The following PGAP1 variants were observed in gnomAD, a reference collection of about 807,000 sequenced individuals.
PGAP1 encodes the protein GPI inositol-deacylase.
PGAP1 carries 76 observed loss-of-function variants against 127.0 expected under a neutral mutation model. The ratio of observed to expected loss-of-function variants is 0.60; its 90% CI spans 0.50 to 0.72. The LOEUF is 0.72. Ranked by LOEUF, PGAP1 falls within the 30% of genes least tolerant of loss-of-function variation. PGAP1 has a pLI of 0.00. For synonymous variants in PGAP1, 362 were observed against 366.5 expected (o/e 0.99, Z 0.14); for missense variants, 982 against 1,071.3 (o/e 0.92, Z 1.16).
At chr2:196,881,587 C>T (rs577628066) in intron 12 of PGAP1, among the ~76,000 whole-genome samples, 15 of 152,128 alleles carry the variant, frequency 9.9e-5, no homozygotes, top group African/African-American at 3.4e-4. Context: ...AGTATCTCAC[C>T]GTGGTTTTGA....
At chr2:196,872,811 T>C (rs897462803) in intron 17 of PGAP1, 149 bp downstream of exon 17, 10 of 564,276 alleles carry the variant, frequency 1.8e-5, no homozygotes, top group Non-Finnish European at 2.8e-5. Context: ...AAGAATACTA[T>C]ATATTAAATT....
chr2:196,858,377 G>A (rs1164527970), intron 20 of PGAP1, among the ~76,000 whole-genome samples: 1 of 150,920 alleles, frequency 6.6e-6, no homozygotes, highest in Non-Finnish European at 1.5e-5. Flanking sequence ...ACTCCAGCCT[G>A]GGCGACAGAG....
intron 19 of PGAP1, among the ~76,000 whole-genome samples, chr2:196,867,294 C>T (rs1259804175): frequency 6.6e-6 from 1 of 152,102 alleles, no homozygotes; most frequent in Non-Finnish European, 1.5e-5. Flanking sequence ...ACTATGCAGC[C>T]ATAAAAAAGG....
At chr2:196,847,458 CTTTTT>C (rs3839045) in intron 21 of PGAP1, 5 of 136,392 alleles carry the variant, frequency 3.7e-5, no homozygotes, top group Non-Finnish European at 6.0e-5. Context: ...GTAATATGTT[CTTTTT>C]TTTTTTTTTT....
chr2:196,873,114 T>C lies in PGAP1; in HGVS notation c.1553-88A>G, dbSNP rs1274361560. ...CTATAATATCTAACTAATTATACAA[T>C]TGTCCATTTCATTAAAAAAATCAGT... On this transcript the variant is annotated intron_variant, in intron 16 of 26. Transcript: ENST00000354764. 1.2e-5 allele frequency: 6 copies of C among 500,834 alleles called. No individual in the cohort carries two copies. The South Asian group carries it at 1.8e-4, about 15-fold the overall frequency. The allele number at this position is 500,834 out of a possible 1,614,324, so 31.0% of individuals were successfully genotyped here.
Position 196,841,171 on chromosome 2 carries a change from G to A in PGAP1, c.*63C>T. On this transcript the variant is annotated 3_prime_UTR_variant, in exon 27 of 27. Transcript: ENST00000354764. ...TTGCTGTCCATACTGATGGATCTGT[G>A]TGTTCCCTCTTATCACTGGCCCTAA... 6.7e-7 allele frequency: 1 copy of A among 1,488,390 alleles called. No individual in the cohort carries two copies. Among genetic ancestry groups the A allele is most frequent in the Non-Finnish European group, 9.1e-7 (1 of 1,097,578 alleles). 92.2% of individuals were successfully genotyped at this position (1,488,390 alleles called of 1,614,324 possible).
rs575076203 is a variant in PGAP1 at position 196,902,628 on chromosome 2, A to G, written c.764T>C (p.Phe255Ser). The change falls in exon 5 of 27, where the codon TTT becomes TCT. Residue 255 changes from phenylalanine to serine, a missense_variant. Physicochemically the swap from Phe to Ser is radical, Grantham distance 155. Coordinates refer to ENST00000354764, the MANE Select transcript of PGAP1 (RefSeq NM_024989.4). The part of the protein sequence containing the change: ...RDYQVRSGLT[F>S]LPKLSHHTSA... ...GGTATGATGGCTTAATTTTGGTAGA[A>G]AAGTCAATCCTGAACGAACTTGGTA... The G allele has an allele frequency of 6.2e-7, 1 of 1,613,490 alleles. No homozygotes were observed. The highest frequency in any genetic ancestry group is 2.2e-5 in the East Asian group (1 of 44,854).
At chr2:196,867,687 T>C (rs1263437200) in intron 19 of PGAP1, among the ~76,000 whole-genome samples, 2 of 152,234 alleles carry the variant, frequency 1.3e-5, no homozygotes, top group Admixed American at 1.3e-4. Context: ...CTTTAAAGCA[T>C]GTTCTCCATT....
At chr2:196,896,039 A>G (rs1384805089) in intron 7 of PGAP1, among the ~76,000 whole-genome samples, 1 of 151,796 alleles carries the variant, frequency 6.6e-6, no homozygotes, top group Non-Finnish European at 1.5e-5. Flanking sequence ...CAACTTACAG[A>G]AAAAAAAATT....
chr2:196,912,966 A>C lies in PGAP1; in HGVS notation c.565T>G (p.Phe189Val). The change falls in exon 4 of 27, where the codon TTT becomes GTT. Residue 189 changes from phenylalanine to valine, a missense_variant. By Grantham distance (50) the Phe-to-Val change is conservative (BLOSUM62 -1). Coordinates refer to ENST00000354764, the MANE Select transcript of PGAP1 (RefSeq NM_024989.4). ...AGAAGATTTATCAGATCATGCTTAA[A>C]ATTTTTCAGTGTAAGCAATGCTCTT... ...VARALLTLKNFKHDLINLLIT... is the reference protein window; with the variant it reads ...VARALLTLKNVKHDLINLLIT... 5 of 1,613,912 alleles carry C rather than the reference A, an allele frequency of 3.1e-6. No homozygotes were observed. Among genetic ancestry groups the C allele is most frequent in the Non-Finnish European group, 4.2e-6 (5 of 1,179,910 alleles).
chr2:196,923,147 G>A (rs938842112), intron 1 of PGAP1, among the ~76,000 whole-genome samples: 9 of 152,092 alleles, frequency 5.9e-5, no homozygotes, highest in African/African-American at 1.9e-4. Flanking sequence ...CCTGTTATCA[G>A]TTTGTGTGTG....
chr2:196,854,099 G>A (rs1394307055), intron 20 of PGAP1, among the ~76,000 whole-genome samples: 1 of 151,646 alleles, frequency 6.6e-6, no homozygotes, highest in East Asian at 1.9e-4. Context: ...GTTTCACCAT[G>A]TTGCCCAGGA....
chr2:196,900,226 TGAATG>T (rs901389819), intron 5 of PGAP1, among the ~76,000 whole-genome samples: 16 of 152,206 alleles, frequency 1.1e-4, no homozygotes, highest in African/African-American at 3.9e-4. Flanking sequence ...CCTGAGTTCC[TGAATG>T]GAACCTCTTG....
chr2:196,904,619 T>C (rs1247800289), intron 4 of PGAP1, among the ~76,000 whole-genome samples: 1 of 152,028 alleles, frequency 6.6e-6, no homozygotes, highest in Non-Finnish European at 1.5e-5. Context: ...TCCCAGCTAC[T>C]TGGGAGGCTG....
intron 1 of PGAP1, 30 bp from the exon 2 acceptor site, chr2:196,920,180 A>C (rs1450104753): frequency 1.3e-6 from 2 of 1,582,930 alleles, no homozygotes; most frequent in Admixed American, 1.8e-5. Flanking sequence ...GTTTCACTTT[A>C]ATCAGTTTTA....
intron 19 of PGAP1, among the ~76,000 whole-genome samples, chr2:196,868,075 G>C (rs1215574507): frequency 6.6e-6 from 1 of 152,136 alleles, no homozygotes; most frequent in Non-Finnish European, 1.5e-5. Flanking sequence ...CACTAGCTCT[G>C]TGTCCTTGGG....
chr2:196,903,540 AAC>A (rs1702570372), intron 4 of PGAP1, among the ~76,000 whole-genome samples: 1 of 144,126 alleles, frequency 6.9e-6, no homozygotes, highest in African/African-American at 2.6e-5. Context: ...CAGCCTGGGC[AAC>A]AGAGCGAGAC....
In PGAP1 at chr2:196,920,158, T is replaced by A. The variant is rs765710378; in HGVS notation, c.148-8A>T. The A allele has an allele frequency of 4.7e-5, 75 of 1,587,252 alleles. No homozygotes were observed. Among genetic ancestry groups the A allele is most frequent in the Non-Finnish European group, 6.1e-5 (71 of 1,169,214 alleles). On this transcript the variant is annotated splice_polypyrimidine_tract_variant and splice_region_variant and intron_variant, in intron 1 of 26. Coordinates refer to ENST00000354764, the MANE Select transcript of PGAP1 (RefSeq NM_024989.4). ...CTTTGGAAGTTCTATTTTCTACATT[T>A]AAAAAAAAGTAGTTTCACTTTAATC...
chr2:196,876,330 C>T (rs1233038857), intron 13 of PGAP1, among the ~76,000 whole-genome samples: 1 of 151,962 alleles, frequency 6.6e-6, no homozygotes, highest in Non-Finnish European at 1.5e-5. Flanking sequence ...TGACACATGG[C>T]TAATGTTATT....
Sources: gnomAD v4.1 joint callset for allele counts (sites outside exome capture counted in the v4.1 genomes callset) on GRCh38, gnomAD v4.1.1 for gene constraint, MANE v1.5 for transcripts, NCBI Gene and HGNC (gene_info 2026-07-23, HGNC 2026-07-21) for gene names.